CR2: variants seen among roughly 807,000 people sequenced by gnomAD.
The protein encoded by CR2 is complement receptor type 2.
CR2 carries 96 observed loss-of-function variants against 123.0 expected under a neutral mutation model. The observed-to-expected ratio is 0.78, with a 90% CI of 0.66 to 0.93. The LOEUF (loss-of-function observed/expected upper bound fraction) is 0.93, where lower values mean the gene tolerates loss of function less well. Ranked by LOEUF, CR2 falls within the 40% of genes least tolerant of loss-of-function variation. CR2 has a pLI of 0.00. For missense variants in CR2, 1,258 were observed against 1,361.0 expected, an observed-to-expected ratio of 0.92 and a Z score of 1.19; for synonymous variants, 484 against 469.5, an observed-to-expected ratio of 1.03 and a Z score of -0.40.
At chr1:207,457,154 A>G (rs1657853301) in intron 1 of CR2, among the ~76,000 whole-genome samples, 1 of 152,238 alleles carries the variant, frequency 6.6e-6, no homozygotes, top group Admixed American at 6.5e-5. Flanking sequence ...AAGTTCCATG[A>G]GTGCAAGACC....
chr1:207,454,342 C>T lies in CR2; in HGVS notation c.-77C>T, dbSNP rs1004131985. Reference sequence around the variant, plus strand: ...TCCTGGCTCACAGCTGCTTGCTGCTCCAGCCTTGCCCTCCCAGAGCTGCCG... The same window carrying T: ...TCCTGGCTCACAGCTGCTTGCTGCTTCAGCCTTGCCCTCCCAGAGCTGCCG... On this transcript the variant is annotated 5_prime_UTR_variant, in exon 1 of 20. Coordinates refer to ENST00000367057, the MANE Select transcript of CR2 (RefSeq NM_001006658.3). This position sits in a 1 kb window ranked among gnomAD's most constrained non-coding sequence, Gnocchi z 4.3. 2.5e-5 allele frequency: 32 copies of T among 1,291,230 alleles called. No individual in the cohort carries two copies. The highest frequency in any genetic ancestry group is 3.1e-5 in the Non-Finnish European group (29 of 922,366). 80.0% of individuals were successfully genotyped at this position (1,291,230 alleles called of 1,614,324 possible).
Position 207,473,585 on chromosome 1 carries a change from A to G in CR2, c.2019A>G (p.Thr673=), listed in dbSNP as rs1658349509. 3 of 1,613,916 alleles carry G rather than the reference A, an allele frequency of 1.9e-6. No individual in the cohort carries two copies. In the African/African-American group the frequency reaches 4.0e-5, roughly 22 times the overall value. The stretch of plus-strand genomic sequence containing the variant: ...CTGGGCTCCACCATGGTCGTCATAC[A>G]GGTGGAAATACGGTCTTCTTTGTCT... ...SPPGLHHGRH[T]GGNTVFFVSG... The change falls in exon 11 of 20, where the codon ACA becomes ACG. Residue 673 remains threonine, a synonymous_variant. Transcript: ENST00000367057.
Position 207,474,826 on chromosome 1 carries a change from A to G in CR2, c.2326A>G (p.Ile776Val). The G allele has an allele frequency of 6.2e-7, 1 of 1,614,012 alleles. No homozygotes were observed. The highest frequency in any genetic ancestry group is 8.5e-7 in the Non-Finnish European group (1 of 1,179,912). The part of the protein sequence containing the change: ...WFKKIPLCKV[I>V]HCHPPPVIVN... ...AACTCCCTAAATCTCTTCTGCAGTTATTCACTGTCACCCTCCACCAGTGAT... is the reference window on the plus strand; with the variant it reads ...AACTCCCTAAATCTCTTCTGCAGTTGTTCACTGTCACCCTCCACCAGTGAT... Residue 776 changes from isoleucine (I) to valine (V), a missense_variant and splice_region_variant, in exon 14 of 20, where the codon ATT (isoleucine) becomes GTT (valine). Ile to Val is a conservative substitution (Grantham distance 29). Coordinates refer to ENST00000367057, the MANE Select transcript of CR2 (RefSeq NM_001006658.3).
chr1:207,475,042 C>T lies in CR2; in HGVS notation c.2542C>T (p.Pro848Ser), dbSNP rs1325079644. The T allele has an allele frequency of 6.2e-7, 1 of 1,613,812 alleles. No homozygotes were observed. The highest frequency in any genetic ancestry group is 8.5e-7 in the Non-Finnish European group (1 of 1,179,820). ...ACGATCTCCTCCTGTGACTCGCTGC[C>T]CTAATCCAGAAGTCAAACATGGGTA... is the stretch of plus-strand genomic sequence containing the variant. Reference protein sequence around the residue: ...CLRSPPVTRCPNPEVKHGYKL... With the variant: ...CLRSPPVTRCSNPEVKHGYKL... Residue 848 changes from proline (P) to serine (S), a missense_variant, in exon 14 of 20, where the codon CCT becomes TCT. Coordinates refer to ENST00000367057, the MANE Select transcript of CR2 (RefSeq NM_001006658.3).
In CR2 at chr1:207,469,734, G is replaced by T; in HGVS notation, c.857G>T (p.Arg286Ile). The change falls in exon 6 of 20, where the codon AGA becomes ATA. Residue 286 changes from arginine to isoleucine, a missense_variant. Transcript: ENST00000367057. ...CPSPPPILNG[R>I]HIGNSLANVS... Reference sequence around the variant, plus strand: ...TCACCTCCCCCTATTCTCAATGGAAGACATATAGGCAACTCACTAGCAAAT... The same window carrying T: ...TCACCTCCCCCTATTCTCAATGGAATACATATAGGCAACTCACTAGCAAAT... 1.2e-6 allele frequency: 2 copies of T among 1,613,896 alleles called. No individual in the cohort carries two copies. Among genetic ancestry groups the T allele is most frequent in the Non-Finnish European group, 1.7e-6 (2 of 1,179,882 alleles).
chr1:207,480,093 A>T, intron 18 of CR2, 40 bp downstream of exon 18: 1 of 1,483,182 alleles, frequency 6.7e-7, no homozygotes, highest in Non-Finnish European at 9.4e-7. Context: ...CAACATGCAC[A>T]AGTGGTTTCG....
intron 8 of CR2, 64 bp downstream of exon 8, chr1:207,471,151 G>A (rs1658266058): frequency 3.4e-6 from 5 of 1,487,978 alleles, no homozygotes; most frequent in Non-Finnish European, 2.8e-6. Context: ...CAGGCTCTAT[G>A]TAAGAGTTTG....
intron 19 of CR2, among the ~76,000 whole-genome samples, chr1:207,488,849 C>T (rs997870081): frequency 1.3e-5 from 2 of 152,070 alleles, no homozygotes; most frequent in South Asian, 4.2e-4. Flanking sequence ...ACAGAGTACA[C>T]CTAGCTCATA....
chr1:207,480,845 A>G (rs1368204527), intron 18 of CR2, among the ~76,000 whole-genome samples: 1 of 152,042 alleles, frequency 6.6e-6, no homozygotes, highest in Non-Finnish European at 1.5e-5. Context: ...AATTCACACT[A>G]CAATTTTATA....
At position 207,473,278 on chromosome 1, in the gene CR2, G is replaced by A. The variant is rs1658340552; in HGVS notation, c.1978+99G>A. The A allele has an allele frequency of 5.7e-6, 8 of 1,403,002 alleles. No individual in the cohort carries two copies. The South Asian group carries it at 6.0e-5, about 11-fold the overall frequency. The allele number at this position is 1,403,002 out of a possible 1,614,324, so 86.9% of individuals were successfully genotyped here. A position where few individuals can be genotyped will look rare whatever the true frequency, so the allele number is the denominator to read the frequency against. ...TGCATCATGGAAAGAGGCAAGAGGGGCACAGATTACTTTCTGTTTCTTCCA... is the reference window on the plus strand; with the variant it reads ...TGCATCATGGAAAGAGGCAAGAGGGACACAGATTACTTTCTGTTTCTTCCA... On this transcript the variant is annotated intron_variant, in intron 10 of 19. Transcript: ENST00000367057.
At chr1:207,458,867 G>T (rs1657902241) in intron 1 of CR2, among the ~76,000 whole-genome samples, 1 of 152,016 alleles carries the variant, frequency 6.6e-6, no homozygotes, top group Non-Finnish European at 1.5e-5. Context: ...TGGGAACCTT[G>T]TCTCTGATGT....
chr1:207,474,593 T>C (rs1187906941), intron 13 of CR2, among the ~76,000 whole-genome samples: 1 of 152,236 alleles, frequency 6.6e-6, no homozygotes, highest in Non-Finnish European at 1.5e-5. Flanking sequence ...CTGTATTTCT[T>C]TCTTCCTTCA....
chr1:207,483,429 G>T (rs1658659154), intron 18 of CR2, among the ~76,000 whole-genome samples: 1 of 152,128 alleles, frequency 6.6e-6, no homozygotes, highest in Admixed American at 6.6e-5. Context: ...TGGCTGTCCT[G>T]TACAGTTAGC....
At position 207,469,205 on chromosome 1, in the gene CR2, G is replaced by A; in HGVS notation, c.790G>A (p.Ala264Thr). Reference sequence around the variant, plus strand: ...GTGTGTAATTGCTGGACAGGGAGTTGCTTGGACCAAAATGCCAGTATGTGA... The same window carrying A: ...GTGTGTAATTGCTGGACAGGGAGTTACTTGGACCAAAATGCCAGTATGTGA... ...SRCVIAGQGV[A>T]WTKMPVCEEI... Residue 264 changes from alanine (A) to threonine (T), a missense_variant, in exon 5 of 20, where the codon GCT (alanine) becomes ACT (threonine). Coordinates refer to ENST00000367057, the MANE Select transcript of CR2 (RefSeq NM_001006658.3). The A allele has an allele frequency of 6.2e-7, 1 of 1,613,908 alleles. No homozygotes were observed. The highest frequency in any genetic ancestry group is 8.5e-7 in the Non-Finnish European group (1 of 1,179,836).
chr1:207,466,730 A>T lies in CR2; in HGVS notation c.263A>T (p.Tyr88Phe), dbSNP rs764012037. The stretch of plus-strand genomic sequence containing the variant: ...CCTAAATGTGAATATTTCAATAAAT[A>T]TTCTTCTTGCCCTGAGCCCATAGTA... The part of the protein sequence containing the change: ...PAPKCEYFNK[Y>F]SSCPEPIVPG... Residue 88 changes from tyrosine to phenylalanine, a missense_variant, in exon 2 of 20, where the codon TAT becomes TTT. Coordinates refer to ENST00000367057, the MANE Select transcript of CR2 (RefSeq NM_001006658.3). The T allele has an allele frequency of 3.7e-6, 6 of 1,614,106 alleles. No individual in the cohort carries two copies. The highest frequency in any genetic ancestry group is 5.1e-6 in the Non-Finnish European group (6 of 1,179,998).
Position 207,466,658 on chromosome 1 carries a change from T to C in CR2, c.191T>C (p.Leu64Ser). 2 of 1,614,118 alleles carry C rather than the reference T, an allele frequency of 1.2e-6. No individual in the cohort carries two copies. The highest frequency in any genetic ancestry group is 1.7e-6 in the Non-Finnish European group (2 of 1,180,000). ...TFRLIGEKSLLCITKDKVDGT... is the reference protein window; with the variant it reads ...TFRLIGEKSLSCITKDKVDGT... ...CGCCTCATTGGAGAAAAAAGTCTAT[T>C]ATGCATAACTAAAGACAAAGTGGAT... Residue 64 changes from leucine to serine, a missense_variant, in exon 2 of 20, where the codon TTA (leucine) becomes TCA (serine). Physicochemically the swap from Leu to Ser is moderately radical, Grantham distance 145. Transcript: ENST00000367057.
intron 18 of CR2, 26 bp downstream of exon 18, chr1:207,480,079 T>C: frequency 6.5e-7 from 1 of 1,539,196 alleles, no homozygotes; most frequent in Non-Finnish European, 9.0e-7. Context: ...AATACTTGAT[T>C]GACCAACATG....
At chr1:207,464,664 T>A (rs1443031866) in intron 1 of CR2, among the ~76,000 whole-genome samples, 6 of 152,218 alleles carry the variant, frequency 3.9e-5, no homozygotes, top group Non-Finnish European at 7.3e-5. Flanking sequence ...TTCATTTTTT[T>A]AAAATGATAC....
chr1:207,478,169 A>C, intron 16 of CR2, 99 bp downstream of exon 16: 1 of 1,280,612 alleles, frequency 7.8e-7, no homozygotes, highest in East Asian at 2.5e-5. Flanking sequence ...TTAAATTGAC[A>C]TAGGTTTGTG....
Sources: allele counts gnomAD v4.1 joint callset (sites outside exome capture counted in the v4.1 genomes callset), GRCh38; gene constraint gnomAD v4.1.1; non-coding constraint Gnocchi (gnomAD v3.1); transcripts MANE v1.5; gene names NCBI Gene and HGNC (gene_info 2026-07-23, HGNC 2026-07-21).